SLC12A8: variants seen among roughly 807,000 people sequenced by gnomAD.
SLC12A8 encodes cation-chloride cotransporter 9.
Under a neutral mutation model 75.6 loss-of-function variants are expected in SLC12A8, and 69 were observed. That is an observed-to-expected ratio of 0.91 (90% CI 0.75 to 1.11). The LOEUF is 1.11. SLC12A8 is among the 50% of genes most tolerant of loss of function. The probability of loss-of-function intolerance (pLI) is 0.00; values close to 1 mark genes in which losing one functional copy is unlikely to be tolerated. For synonymous variants in SLC12A8, 365 were observed against 372.8 expected (o/e 0.98, Z 0.24); for missense variants, 877 against 896.7 (o/e 0.98, Z 0.28).
chr3:125,153,571 C>A (rs889725986), intron 5 of SLC12A8, among the ~76,000 whole-genome samples: 33 of 152,212 alleles, frequency 2.2e-4, no homozygotes, highest in African/African-American at 7.5e-4. Context: ...AAGTGTCGCA[C>A]TAAGTTCTGC....
rs1051268232 is a variant in SLC12A8, at chr3:125,107,592, C to T, written c.1594G>A (p.Glu532Lys). 3 of 1,614,174 alleles carry T rather than the reference C, an allele frequency of 1.9e-6. No homozygotes were observed. Among genetic ancestry groups the T allele is most frequent in the Admixed American group, 3.3e-5 (2 of 60,024 alleles). The change falls in exon 10 of 14, where the codon GAG (glutamate) becomes AAG (lysine). Residue 532 changes from glutamate to lysine, a missense_variant. By Grantham distance (56) the Glu-to-Lys change is moderately conservative (BLOSUM62 1). Transcript: ENST00000469902. ...GAAGTCTGCTTGTTCCAGCAGGACTCCTGCCCCTCCCAGGAGGCAGCGGGC... is the reference window on the plus strand; with the variant it reads ...GAAGTCTGCTTGTTCCAGCAGGACTTCTGCCCCTCCCAGGAGGCAGCGGGC... ...RLPAASWEGQ[E>K]SCWNKQTSKS... is the part of the protein sequence containing the mutation.
At chr3:125,159,497 A>G (rs1282245506) in intron 5 of SLC12A8, among the ~76,000 whole-genome samples, 2 of 152,384 alleles carry the variant, frequency 1.3e-5, no homozygotes, top group Admixed American at 1.3e-4. Context: ...AGTGGTACAG[A>G]TATCAGTCCC....
chr3:125,118,378 C>A (rs1369218895), intron 8 of SLC12A8, among the ~76,000 whole-genome samples: 3 of 152,174 alleles, frequency 2.0e-5, no homozygotes, highest in Non-Finnish European at 2.9e-5. Context: ...AATCTCAGCA[C>A]TTTGGGAGGT....
chr3:125,101,216 G>A (rs190919544), intron 10 of SLC12A8, among the ~76,000 whole-genome samples: 1 of 152,276 alleles, frequency 6.6e-6, no homozygotes, highest in East Asian at 1.9e-4. Flanking sequence ...TAACTTCTCT[G>A]AGCCTCAGTT....
intron 2 of SLC12A8, among the ~76,000 whole-genome samples, chr3:125,194,270 G>T (rs1934963922): frequency 6.6e-6 from 1 of 152,220 alleles, no homozygotes; most frequent in Non-Finnish European, 1.5e-5. Context: ...CATTGCTAGG[G>T]TCTTCCTTCC....
intron 6 of SLC12A8, chr3:125,125,916 G>T: frequency 1.0e-6 from 1 of 984,268 alleles, no homozygotes; most frequent in Non-Finnish European, 1.2e-6. Context: ...TCGGCGCGAT[G>T]CATTGGTTTC....
At chr3:125,199,811 A>G (rs1458048500) in intron 2 of SLC12A8, among the ~76,000 whole-genome samples, 1 of 151,458 alleles carries the variant, frequency 6.6e-6, no homozygotes, top group African/African-American at 2.5e-5. Flanking sequence ...ACAGTTCCAG[A>G]AAAAAATGGT....
chr3:125,127,510 G>C (rs964566806), intron 6 of SLC12A8, among the ~76,000 whole-genome samples: 1 of 152,194 alleles, frequency 6.6e-6, no homozygotes, highest in African/African-American at 2.4e-5. Flanking sequence ...GTAAATAATA[G>C]AACCTGTGGG....
chr3:125,197,011 T>C (rs1419798086), intron 2 of SLC12A8, among the ~76,000 whole-genome samples: 1 of 152,178 alleles, frequency 6.6e-6, no homozygotes, highest in African/African-American at 2.4e-5. Context: ...TTTCTAAATA[T>C]CATTCTTCAC....
At chr3:125,168,178 G>A (rs763304356) in intron 5 of SLC12A8, among the ~76,000 whole-genome samples, 2 of 152,206 alleles carry the variant, frequency 1.3e-5, no homozygotes, top group Non-Finnish European at 2.9e-5. Context: ...GAGAACTGTG[G>A]GGTTGTAAAG....
intron 8 of SLC12A8, among the ~76,000 whole-genome samples, chr3:125,111,599 GC>G (rs1939189434): frequency 6.8e-6 from 1 of 148,146 alleles, no homozygotes; most frequent in South Asian, 2.1e-4. Context: ...TTAATATTCA[GC>G]TTTGTCACTT....
At chr3:125,182,508 ATTT>A (rs767466114) in intron 4 of SLC12A8, among the ~76,000 whole-genome samples, 4 of 139,976 alleles carry the variant, frequency 2.9e-5, no homozygotes, top group Non-Finnish European at 1.6e-5. Flanking sequence ...ATTTGTCCCC[ATTT>A]TTTTTTTTTT....
intron 6 of SLC12A8, among the ~76,000 whole-genome samples, chr3:125,132,793 G>A (rs1703533020): frequency 1.3e-5 from 2 of 152,274 alleles, no homozygotes; most frequent in South Asian, 4.1e-4. Context: ...GAGACTCCAA[G>A]GAAAATAGTT....
intron 2 of SLC12A8, among the ~76,000 whole-genome samples, chr3:125,202,792 A>T (rs1170390840): frequency 1.3e-5 from 2 of 152,168 alleles, no homozygotes; most frequent in African/African-American, 4.8e-5. Context: ...CCATGCTTAG[A>T]ATTATTAATG....
At chr3:125,115,840 G>A (rs1939298013) in intron 8 of SLC12A8, among the ~76,000 whole-genome samples, 1 of 152,130 alleles carries the variant, frequency 6.6e-6, no homozygotes, top group South Asian at 2.1e-4. Flanking sequence ...TACAGAAGAG[G>A]CCTTTTTTCA....
At chr3:125,094,215 C>T (rs1255833307) in intron 10 of SLC12A8, among the ~76,000 whole-genome samples, 2 of 152,114 alleles carry the variant, frequency 1.3e-5, no homozygotes, top group African/African-American at 4.8e-5. Flanking sequence ...TCATTCCAAC[C>T]ATTCATAGTC....
At chr3:125,104,448 T>A (rs1366751231) in intron 10 of SLC12A8, among the ~76,000 whole-genome samples, 1 of 143,476 alleles carries the variant, frequency 7.0e-6, no homozygotes, top group Non-Finnish European at 1.5e-5. Context: ...AATAATAGTA[T>A]CAGAGAGAGA....
chr3:125,148,506 TGGGGTGG>T (rs1379219053), intron 5 of SLC12A8, among the ~76,000 whole-genome samples: 2 of 96,654 alleles, frequency 2.1e-5, no homozygotes, highest in East Asian at 6.1e-4. Flanking sequence ...GGGAGAAGAG[TGGGGTGG>T]GGGGCCCACG....
intron 5 of SLC12A8, among the ~76,000 whole-genome samples, chr3:125,143,784 A>G (rs947148814): frequency 1.3e-5 from 2 of 152,180 alleles, no homozygotes; most frequent in African/African-American, 4.8e-5. Context: ...GAAAGGCCAG[A>G]CTGGGGGATG....
Sources: gnomAD v4.1 joint callset for allele counts (sites outside exome capture counted in the v4.1 genomes callset) on GRCh38, gnomAD v4.1.1 for gene constraint, MANE v1.5 for transcripts, NCBI Gene and HGNC (gene_info 2026-07-23, HGNC 2026-07-21) for gene names.